The following CPS1 variants were observed in gnomAD, a reference collection of about 807,000 sequenced individuals.
The protein encoded by CPS1 is carbamoyl-phosphate synthase [ammonia], mitochondrial.
In CPS1, 109 loss-of-function variants were observed where a neutral mutation model predicts 174.6. The observed-to-expected ratio is 0.62, with a 90% CI of 0.53 to 0.73. The LOEUF (loss-of-function observed/expected upper bound fraction) is 0.73, where lower values mean the gene tolerates loss of function less well. Among genes scored for constraint, CPS1 ranks in the 30% least tolerant of loss-of-function variants. The pLI, the probability that CPS1 is intolerant of heterozygous loss-of-function variation, is 0.00. For synonymous variants in CPS1, 637 were observed against 632.0 expected (o/e 1.01, Z -0.12); for missense variants, 1,689 against 1,821.9 (o/e 0.93, Z 1.33).
At chr2:210,655,766 C>G (rs868533601) in intron 29 of CPS1, among the ~76,000 whole-genome samples, 1 of 152,124 alleles carries the variant, frequency 6.6e-6, no homozygotes, top group Non-Finnish European at 1.5e-5. Flanking sequence ...TGTTTTAAGA[C>G]GTTGCTAAAT....
intron 1 of CPS1, among the ~76,000 whole-genome samples, chr2:210,535,819 GT>G (rs67369344): frequency 0.034 from 4,071 of 118,064 alleles, 38 homozygotes; most frequent in Admixed American, 0.058. Flanking sequence ...CTTTTTCCTT[GT>G]TTTTTTTTTT....
At chr2:210,631,490 T>C (rs1320880334) in intron 21 of CPS1, among the ~76,000 whole-genome samples, 1 of 152,236 alleles carries the variant, frequency 6.6e-6, no homozygotes, top group African/African-American at 2.4e-5. Context: ...GACTTTTTGC[T>C]ATAGAAGCCG....
intron 28 of CPS1, among the ~76,000 whole-genome samples, chr2:210,650,883 C>T (rs1700538282): frequency 6.6e-6 from 1 of 151,986 alleles, no homozygotes; most frequent in Non-Finnish European, 1.5e-5. Context: ...TTTGCCTAGT[C>T]AAACATGCAA....
intron 1 of CPS1, among the ~76,000 whole-genome samples, chr2:210,557,143 T>C (rs181429520): frequency 2.0e-5 from 3 of 152,184 alleles, no homozygotes; most frequent in East Asian, 1.9e-4. Flanking sequence ...TTTTCTTTCA[T>C]AGATAGCTTT....
intron 1 of CPS1, among the ~76,000 whole-genome samples, chr2:210,537,378 A>G (rs1252753816): frequency 6.6e-6 from 1 of 152,204 alleles, no homozygotes. Flanking sequence ...TTGGAGAGAC[A>G]GGCATAGGGT....
intron 1 of CPS1, among the ~76,000 whole-genome samples, chr2:210,546,508 A>G (rs1367171489): frequency 1.3e-5 from 2 of 152,290 alleles, no homozygotes; most frequent in Non-Finnish European, 2.9e-5. Context: ...CAAGATATAC[A>G]TACATAAAGT....
intron 1 of CPS1, among the ~76,000 whole-genome samples, chr2:210,507,520 C>T (rs1695321553): frequency 6.6e-6 from 1 of 151,466 alleles, no homozygotes; most frequent in African/African-American, 2.4e-5. Context: ...CAAATTCACA[C>T]ATAACAATAT....
chr2:210,641,475 A>G (rs2105900388), intron 24 of CPS1, among the ~76,000 whole-genome samples: 1 of 152,034 alleles, frequency 6.6e-6, no homozygotes, highest in East Asian at 1.9e-4. Flanking sequence ...TGCACTTATG[A>G]ACTAAAACCC....
chr2:210,556,863 A>G lies in CPS1; in HGVS notation c.126+4A>G. On this transcript the variant is annotated splice_donor_region_variant and intron_variant, in intron 1 of 37. Coordinates refer to ENST00000233072, the MANE Select transcript of CPS1 (RefSeq NM_001875.5). Reference sequence around the variant, plus strand: ...CATCAGGCTCCTTTCTGTCAAGGTAATACCCATATTGATTGTTTCTGATAA... The same window carrying G: ...CATCAGGCTCCTTTCTGTCAAGGTAGTACCCATATTGATTGTTTCTGATAA... 6.2e-7 allele frequency: 1 copy of G among 1,612,782 alleles called. No individual in the cohort carries two copies. Among genetic ancestry groups the G allele is most frequent in the African/African-American group, 1.3e-5 (1 of 74,966 alleles).
At chr2:210,660,454 CTCTT>C (rs749139657) in intron 31 of CPS1, 27 bp from the exon 32 acceptor site, 1 of 1,608,300 alleles carries the variant, frequency 6.2e-7, no homozygotes, top group Non-Finnish European at 8.5e-7. Flanking sequence ...TCTCAATGTC[CTCTT>C]TCTCATTTTG....
rs755014991 is a variant in CPS1, at chr2:210,608,504, A to G, written c.2336A>G (p.Asp779Gly). The change falls in exon 19 of 38, where the codon GAC becomes GGC. Residue 779 changes from aspartate to glycine, a missense_variant. Coordinates refer to ENST00000233072, the MANE Select transcript of CPS1 (RefSeq NM_001875.5). ...MVTKIPRWDL[D>G]RFHGTSSRIG... is the part of the protein sequence containing the mutation. ...ACCAAGATTCCCCGCTGGGATCTTGACCGTTTTCATGGAACATCTAGCCGA... is the reference window on the plus strand; with the variant it reads ...ACCAAGATTCCCCGCTGGGATCTTGGCCGTTTTCATGGAACATCTAGCCGA... 1 of 1,612,190 alleles carries G rather than the reference A, an allele frequency of 6.2e-7. No homozygotes were observed. The highest frequency in any genetic ancestry group is 8.5e-7 in the Non-Finnish European group (1 of 1,178,816).
At chr2:210,555,986 T>C (rs372629991), upstream of CPS1, among the ~76,000 whole-genome samples, 47 of 152,200 alleles carry the variant, frequency 3.1e-4, no homozygotes, top group African/African-American at 1.1e-3. Context: ...AAGAGGGATA[T>C]AATAGTCCAC....
chr2:210,613,251 A>G (rs1036588435), intron 20 of CPS1, among the ~76,000 whole-genome samples: 1 of 151,962 alleles, frequency 6.6e-6, no homozygotes, highest in Non-Finnish European at 1.5e-5. Flanking sequence ...TTTTATGTCC[A>G]TATTTTGAGT....
At chr2:210,588,553 C>T (rs1181741325) in intron 7 of CPS1, among the ~76,000 whole-genome samples, 2 of 152,090 alleles carry the variant, frequency 1.3e-5, no homozygotes, top group South Asian at 2.1e-4. Flanking sequence ...TGACAGAGTA[C>T]GAACTTTCAC....
At chr2:210,509,661 T>C (rs1695394993) in intron 1 of CPS1, among the ~76,000 whole-genome samples, 1 of 152,186 alleles carries the variant, frequency 6.6e-6, no homozygotes, top group African/African-American at 2.4e-5. Flanking sequence ...CTCCTTAAGC[T>C]GATAGGCAAC....
At chr2:210,583,469 T>C (rs986026048) in intron 6 of CPS1, among the ~76,000 whole-genome samples, 3 of 152,008 alleles carry the variant, frequency 2.0e-5, no homozygotes, top group African/African-American at 7.2e-5. Flanking sequence ...TGGGGCAGCA[T>C]TGAAATGGGA....
At chr2:210,569,021 T>A (rs1697393105) in intron 1 of CPS1, among the ~76,000 whole-genome samples, 1 of 152,062 alleles carries the variant, frequency 6.6e-6, no homozygotes, top group East Asian at 1.9e-4. Flanking sequence ...TTTAGAAACA[T>A]TCTGCTAAAT....
intron 1 of CPS1, among the ~76,000 whole-genome samples, chr2:210,528,067 C>T (rs1469728511): frequency 6.6e-6 from 1 of 151,864 alleles, no homozygotes; most frequent in Non-Finnish European, 1.5e-5. Flanking sequence ...AAAATAGAAG[C>T]TGTCTCTTTA....
Position 210,648,533 on chromosome 2 carries a change from G to T in CPS1, c.3397G>T (p.Val1133Phe). ...DYPCLLRPSY[V>F]LSGSAMNVVF... is the part of the protein sequence containing the mutation. Reference sequence around the variant, plus strand: ...CCCCTGCTTGTTGAGGCCTTCCTATGTTTTGAGGTAACACTGTATATTGTT... The same window carrying T: ...CCCCTGCTTGTTGAGGCCTTCCTATTTTTTGAGGTAACACTGTATATTGTT... The change falls in exon 27 of 38, where the codon GTT becomes TTT. Residue 1133 changes from valine to phenylalanine, a missense_variant. Transcript: ENST00000233072. 1 of 1,613,202 alleles carries T rather than the reference G, an allele frequency of 6.2e-7. No homozygotes were observed.
Sources: allele counts gnomAD v4.1 joint callset (sites outside exome capture counted in the v4.1 genomes callset), GRCh38; gene constraint gnomAD v4.1.1; transcripts MANE v1.5; gene names NCBI Gene and HGNC (gene_info 2026-07-23, HGNC 2026-07-21).